PPP6R3: variants seen among roughly 807,000 people sequenced by gnomAD.
PPP6R3 encodes serine/threonine-protein phosphatase 6 regulatory subunit 3.
In PPP6R3, 38 loss-of-function variants were observed where a neutral mutation model predicts 110.7. The observed-to-expected ratio is 0.34, with a 90% CI of 0.26 to 0.45. The LOEUF is 0.45. PPP6R3 is among the 20% of genes least tolerant of loss of function. The pLI, the probability that PPP6R3 is intolerant of heterozygous loss-of-function variation, is 1.00. For synonymous variants in PPP6R3, 369 were observed against 373.5 expected, an observed-to-expected ratio of 0.99 and a Z score of 0.14; for missense variants, 870 against 1,062.4, an observed-to-expected ratio of 0.82 and a Z score of 2.52.
At position 68,613,898 on chromosome 11, in the gene PPP6R3, A is replaced by ATTT. The variant is rs11309470; in HGVS notation, c.*797_*799dup. The ATTT allele has an allele frequency of 2.4e-5, 22 of 918,398 alleles. No individual in the cohort carries two copies. The highest frequency in any genetic ancestry group is 5.5e-4 in the Middle Eastern group (1 of 1,806). 56.9% of individuals were successfully genotyped at this position (918,398 alleles called of 1,614,324 possible). On this transcript the variant is annotated 3_prime_UTR_variant, in exon 24 of 24. Transcript: ENST00000393800. Reference sequence around the variant, plus strand: ...GAGTGTATATGGCTTGTGTTTTGGGATTTTTTTTTTTTTTTTTTGGCTTTT... The same window carrying ATTT: ...GAGTGTATATGGCTTGTGTTTTGGGATTTTTTTTTTTTTTTTTTTTTGGCTTTT...
chr11:68,505,236 G>T (rs950717011), intron 1 of PPP6R3: 1 of 152,162 alleles, frequency 6.6e-6, no homozygotes, highest in African/African-American at 2.4e-5. Context: ...ATACCCTTGT[G>T]TCTTCAGTTT....
intron 14 of PPP6R3, among the ~76,000 whole-genome samples, chr11:68,579,620 G>A (rs549714385): frequency 1.3e-5 from 2 of 152,342 alleles, no homozygotes; most frequent in Non-Finnish European, 2.9e-5. Context: ...CTTCAGTGGA[G>A]ATGGATAAAC....
At chr11:68,489,592 A>G (rs1591908033) in intron 1 of PPP6R3, among the ~76,000 whole-genome samples, 1 of 138,362 alleles carries the variant, frequency 7.2e-6, no homozygotes, top group Non-Finnish European at 1.6e-5. Flanking sequence ...TAATGAACAA[A>G]TTGAAGGTTT....
At chr11:68,485,677 A>G (rs1354944310) in intron 1 of PPP6R3, among the ~76,000 whole-genome samples, 2 of 152,142 alleles carry the variant, frequency 1.3e-5, no homozygotes, top group Non-Finnish European at 2.9e-5. Flanking sequence ...GTGATGGGTC[A>G]TGTTAATTAA....
Position 68,588,055 on chromosome 11 carries a change from T to G in PPP6R3, c.1730+31T>G, listed in dbSNP as rs1310679297. 3 of 1,550,610 alleles carry G rather than the reference T, an allele frequency of 1.9e-6. No homozygotes were observed. The African/African-American group carries it at 4.1e-5, about 21-fold the overall frequency. On this transcript the variant is annotated intron_variant, in intron 16 of 23. Transcript: ENST00000393800. ...TATGTTTTTCTGTTTCCGCTGTTGC[T>G]CTTGCACACCCTTGCTCTTGGTAGA...
At chr11:68,546,899 C>T (rs557696079) in intron 4 of PPP6R3, among the ~76,000 whole-genome samples, 3 of 152,220 alleles carry the variant, frequency 2.0e-5, no homozygotes, top group Non-Finnish European at 2.9e-5. Flanking sequence ...TGACTTTTTT[C>T]GTCCTTTCTC....
chr11:68,476,432 G>C (rs987590156), intron 1 of PPP6R3, among the ~76,000 whole-genome samples: 6 of 146,840 alleles, frequency 4.1e-5, no homozygotes, highest in Non-Finnish European at 9.0e-5. Context: ...AGCTTCGGCT[G>C]GGCATCAGAG....
chr11:68,469,476 C>T (rs1021256281), intron 1 of PPP6R3, among the ~76,000 whole-genome samples: 2 of 151,736 alleles, frequency 1.3e-5, no homozygotes, highest in African/African-American at 4.8e-5. Context: ...CTGGCTGAAA[C>T]GATTCTCTCA....
At chr11:68,519,079 C>T (rs561778827) in intron 1 of PPP6R3, among the ~76,000 whole-genome samples, 8 of 152,266 alleles carry the variant, frequency 5.3e-5, no homozygotes, top group South Asian at 2.1e-4. Flanking sequence ...CCTGATAAAA[C>T]GTATTAAGTG....
chr11:68,558,632 C>G lies in PPP6R3; in HGVS notation c.798C>G (p.Val266=). The G allele has an allele frequency of 6.2e-7, 1 of 1,613,316 alleles. No homozygotes were observed. Reference sequence around the variant, plus strand: ...AGGAGAAAAATGAGTCAGCCATAGTCAGTGCAATCCAGATATTGCTGACTT... The same window carrying G: ...AGGAGAAAAATGAGTCAGCCATAGTGAGTGCAATCCAGATATTGCTGACTT... The part of the protein sequence containing the change: ...FHKEKNESAI[V]SAIQILLTLL... The change falls in exon 8 of 24, where the codon GTC becomes GTG. Residue 266 remains valine (V), a synonymous_variant. Transcript: ENST00000393800.
chr11:68,545,060 T>A, intron 4 of PPP6R3, 36 bp downstream of exon 4: 1 of 1,494,492 alleles, frequency 6.7e-7, no homozygotes, highest in Non-Finnish European at 9.2e-7. Context: ...GTATTAGGGC[T>A]GATCATCCCC....
At chr11:68,551,091 C>T in intron 5 of PPP6R3, 30 bp from the exon 6 acceptor site, 1 of 1,491,290 alleles carries the variant, frequency 6.7e-7, no homozygotes, top group Non-Finnish European at 9.3e-7. Context: ...CCACTCATTG[C>T]TATGATTACT....
At chr11:68,558,900 C>T (rs1456432325) in intron 8 of PPP6R3, among the ~76,000 whole-genome samples, 3 of 152,166 alleles carry the variant, frequency 2.0e-5, no homozygotes, top group African/African-American at 4.8e-5. Flanking sequence ...AGTATTTAGA[C>T]TCTAGTCATA....
intron 1 of PPP6R3, among the ~76,000 whole-genome samples, chr11:68,514,371 A>G (rs553530982): frequency 3.9e-5 from 6 of 151,954 alleles, no homozygotes; most frequent in Non-Finnish European, 8.8e-5. Flanking sequence ...TGGCTGTTAT[A>G]TGCATTTATG....
In PPP6R3 at chr11:68,548,017, T is replaced by C. The variant is rs761889339; in HGVS notation, c.415-50T>C. 1.7e-5 allele frequency: 27 copies of C among 1,571,898 alleles called. No individual in the cohort carries two copies. The Admixed American group carries it at 4.8e-4, about 28-fold the overall frequency. ...GGGTTGGGACTTAAAAGGTAAAGTT[T>C]ATAGTTTCCAAGTTACATGTCTTTC... On this transcript the variant is annotated intron_variant, in intron 4 of 23. Coordinates refer to ENST00000393800, the MANE Select transcript of PPP6R3 (RefSeq NM_001164161.2).
chr11:68,558,577 T>A lies in PPP6R3; in HGVS notation c.743T>A (p.Ile248Lys), dbSNP rs750463370. The A allele has an allele frequency of 6.2e-7, 1 of 1,610,702 alleles. No individual in the cohort carries two copies. The highest frequency in any genetic ancestry group is 1.7e-5 in the Admixed American group (1 of 59,752). ...ATTTGTTTCCCTAGGCAAGAAATTATAGAGCAGCTTCTATCAAATATTTTC... is the reference window on the plus strand; with the variant it reads ...ATTTGTTTCCCTAGGCAAGAAATTAAAGAGCAGCTTCTATCAAATATTTTC... ...LLATLEKQEI[I>K]EQLLSNIFHK... The change falls in exon 8 of 24, where the codon ATA becomes AAA. Residue 248 changes from isoleucine (I) to lysine (K), a missense_variant. Coordinates refer to ENST00000393800, the MANE Select transcript of PPP6R3 (RefSeq NM_001164161.2).
chr11:68,537,622 T>C (rs1472486276), intron 2 of PPP6R3, 37 bp from the exon 3 acceptor site: 1 of 1,329,306 alleles, frequency 7.5e-7, no homozygotes, highest in East Asian at 2.4e-5. Context: ...ATTTGTAAAG[T>C]TGAAATTTTA....
At chr11:68,555,437 A>G (rs1305805950) in intron 7 of PPP6R3, among the ~76,000 whole-genome samples, 1 of 152,218 alleles carries the variant, frequency 6.6e-6, no homozygotes, top group Non-Finnish European at 1.5e-5. Context: ...TTTTGCCCAA[A>G]GTCTTGGAAA....
At chr11:68,466,618 AT>A (rs1338932469) in intron 1 of PPP6R3, among the ~76,000 whole-genome samples, 1 of 106,596 alleles carries the variant, frequency 9.4e-6, no homozygotes, top group Non-Finnish European at 2.0e-5. Context: ...TTTTGTATTT[AT>A]TTATTTATTT....
Sources: gnomAD v4.1 joint callset for allele counts (sites outside exome capture counted in the v4.1 genomes callset) on GRCh38, gnomAD v4.1.1 for gene constraint, MANE v1.5 for transcripts, NCBI Gene and HGNC (gene_info 2026-07-23, HGNC 2026-07-21) for gene names.